Variants in HPGDS observed in about 807,000 individuals in gnomAD.
The protein encoded by HPGDS is hematopoietic prostaglandin D synthase, also known as GST class-sigma.
HPGDS carries 26 observed loss-of-function variants against 23.1 expected under a neutral mutation model. That is an observed-to-expected ratio of 1.13 (90% CI 0.83 to 1.56). The LOEUF is 1.56. HPGDS is among the 40% of genes most tolerant of loss of function. HPGDS has a pLI of 0.00. For missense variants in HPGDS, 268 were observed against 236.4 expected (o/e 1.13, Z -0.88); for synonymous variants, 95 against 77.9 (o/e 1.22, Z -1.16).
chr4:94,333,261 C>T (rs933730373), intron 2 of HPGDS, among the ~76,000 whole-genome samples: 11 of 152,146 alleles, frequency 7.2e-5, no homozygotes, highest in Non-Finnish European at 1.0e-4. Context: ...GGATTTTTAC[C>T]TGTGCAAATG....
chr4:94,340,299 T>A (rs868110232), intron 1 of HPGDS, among the ~76,000 whole-genome samples: 1 of 74,938 alleles, frequency 1.3e-5, no homozygotes, highest in Non-Finnish European at 2.6e-5. Context: ...CTTTCTTTCT[T>A]TCTTTCTTTC....
At chr4:94,319,837 G>A (rs1255424281) in intron 2 of HPGDS, among the ~76,000 whole-genome samples, 1 of 152,152 alleles carries the variant, frequency 6.6e-6, no homozygotes, top group African/African-American at 2.4e-5. Context: ...AGGTATACAT[G>A]TGCCATGTTG....
intron 1 of HPGDS, among the ~76,000 whole-genome samples, chr4:94,342,303 A>T (rs1414709731): frequency 6.6e-6 from 1 of 152,224 alleles, no homozygotes; most frequent in East Asian, 1.9e-4. Flanking sequence ...AAAAGATGAT[A>T]GGTTGCAATT....
At chr4:94,329,285 T>C (rs946264763) in intron 2 of HPGDS, among the ~76,000 whole-genome samples, 1 of 152,188 alleles carries the variant, frequency 6.6e-6, no homozygotes, top group African/African-American at 2.4e-5. Flanking sequence ...TAAATTGCCC[T>C]GGTCACACAC....
At chr4:94,319,477 T>G (rs898688544) in intron 2 of HPGDS, among the ~76,000 whole-genome samples, 35 of 152,236 alleles carry the variant, frequency 2.3e-4, no homozygotes, top group African/African-American at 8.2e-4. Context: ...TCAGCCACTT[T>G]GTATCTTTTT....
intron 2 of HPGDS, among the ~76,000 whole-genome samples, chr4:94,330,506 G>T (rs767431272): frequency 3.9e-5 from 6 of 152,026 alleles, no homozygotes; most frequent in Admixed American, 6.6e-5. Context: ...GGAGTAATCT[G>T]GTTCTCCATG....
At chr4:94,314,479 T>C (rs1756351421) in intron 3 of HPGDS, among the ~76,000 whole-genome samples, 1 of 152,214 alleles carries the variant, frequency 6.6e-6, no homozygotes, top group Non-Finnish European at 1.5e-5. Context: ...CAAATGTTGC[T>C]GCCTGATCGT....
chr4:94,320,641 C>A (rs1756486980), intron 2 of HPGDS, among the ~76,000 whole-genome samples: 1 of 152,044 alleles, frequency 6.6e-6, no homozygotes, highest in South Asian at 2.1e-4. Context: ...TGTTTAAGTT[C>A]TTTGTAGATT....
At chr4:94,320,862 C>A (rs1384631051) in intron 2 of HPGDS, among the ~76,000 whole-genome samples, 1 of 152,122 alleles carries the variant, frequency 6.6e-6, no homozygotes, top group Non-Finnish European at 1.5e-5. Context: ...AATGGTATTG[C>A]CTAGGTTTTC....
At chr4:94,310,769 C>T (rs890057258) in intron 3 of HPGDS, among the ~76,000 whole-genome samples, 2 of 152,194 alleles carry the variant, frequency 1.3e-5, no homozygotes, top group Non-Finnish European at 2.9e-5. Context: ...TACCCATGAG[C>T]ATGGAATGTT....
intron 2 of HPGDS, among the ~76,000 whole-genome samples, chr4:94,324,441 G>A (rs1756586527): frequency 6.6e-6 from 1 of 152,064 alleles, no homozygotes; most frequent in Non-Finnish European, 1.5e-5. Flanking sequence ...ATGTTTCTTG[G>A]AGACTTTGTT....
At chr4:94,320,699 C>T (rs1397717505) in intron 2 of HPGDS, among the ~76,000 whole-genome samples, 2 of 152,114 alleles carry the variant, frequency 1.3e-5, no homozygotes, top group Admixed American at 1.3e-4. Context: ...AATTTTTCTC[C>T]CATTCTGCAG....
intron 2 of HPGDS, among the ~76,000 whole-genome samples, chr4:94,318,598 A>G (rs1579438024): frequency 6.6e-6 from 1 of 152,312 alleles, no homozygotes; most frequent in East Asian, 1.9e-4. Context: ...AATACTTGAT[A>G]TAATTTTCAT....
intron 2 of HPGDS, among the ~76,000 whole-genome samples, chr4:94,322,436 C>G (rs1484430055): frequency 1.3e-5 from 2 of 152,180 alleles, no homozygotes; most frequent in South Asian, 4.1e-4. Flanking sequence ...GCCTCAATTT[C>G]AGATCCTGTT....
intron 3 of HPGDS, among the ~76,000 whole-genome samples, chr4:94,314,521 C>T (rs1030528045): frequency 3.9e-5 from 6 of 152,112 alleles, no homozygotes; most frequent in African/African-American, 7.2e-5. Flanking sequence ...GAGGGGTACC[C>T]GGCCATGTAA....
Position 94,340,311 on chromosome 4 carries a change from C to CTTTTTCTTTTCTTTT in HPGDS, c.-10+2483_-10+2484insAAAAGAAAAGAAAAA, listed in dbSNP as rs1560598005. Among the ~76,000 whole-genome samples, 16 of 23,686 alleles carry CTTTTTCTTTTCTTTT rather than the reference C, an allele frequency of 6.8e-4. 2 individuals carry two copies. The highest frequency in any genetic ancestry group is 1.6e-3 in the South Asian group (1 of 622). 15.5% of individuals were successfully genotyped at this position (23,686 alleles called of 152,430 possible). A position where few individuals can be genotyped will look rare whatever the true frequency, so the allele number is the denominator to read the frequency against. On this transcript the variant is annotated intron_variant, in intron 1 of 5. Coordinates refer to ENST00000295256, the MANE Select transcript of HPGDS (RefSeq NM_014485.3). ...TTTCTTTCTTTCTTTCTTTCTTTCT[C>CTTTTTCTTTTCTTTT]TTTTTTTTTTTTTTTTTTTTTTTTT... is the stretch of plus-strand genomic sequence containing the variant.
chr4:94,334,427 C>A, intron 2 of HPGDS, 70 bp downstream of exon 2: 1 of 1,352,450 alleles, frequency 7.4e-7, no homozygotes, highest in Non-Finnish European at 9.9e-7. Context: ...ATTTTTTTTT[C>A]ATTTCCCTGA....
rs146895936 is a variant in HPGDS, at chr4:94,312,816, G to C, written c.227-4073C>G. Reference sequence around the variant, plus strand: ...AAGGACTTGGTTTATGAAACTGGGTGCTCCTGTATTGGGTGCATATATATT... The same window carrying C: ...AAGGACTTGGTTTATGAAACTGGGTCCTCCTGTATTGGGTGCATATATATT... On this transcript the variant is annotated intron_variant, in intron 3 of 5. Coordinates refer to ENST00000295256, the MANE Select transcript of HPGDS (RefSeq NM_014485.3). Among the ~76,000 whole-genome samples, 3 of 152,184 alleles carry C rather than the reference G, an allele frequency of 2.0e-5. No homozygotes were observed. The East Asian group carries it at 5.8e-4, about 29-fold the overall frequency.
chr4:94,314,385 G>C (rs1022331410), intron 3 of HPGDS, among the ~76,000 whole-genome samples: 1 of 152,204 alleles, frequency 6.6e-6, no homozygotes, highest in Non-Finnish European at 1.5e-5. Flanking sequence ...CAGGTCTGTT[G>C]GAGTTTGCCA....
Sources: allele counts gnomAD v4.1 joint callset (sites outside exome capture counted in the v4.1 genomes callset), GRCh38; gene constraint gnomAD v4.1.1; transcripts MANE v1.5; gene names NCBI Gene and HGNC (gene_info 2026-07-23, HGNC 2026-07-21).